Variants in GRM8 observed in about 807,000 individuals in gnomAD.
The protein encoded by GRM8 is metabotropic glutamate receptor 8.
GRM8 carries 47 observed loss-of-function variants against 87.2 expected under a neutral mutation model. The ratio of observed to expected loss-of-function variants is 0.54; its 90% CI spans 0.43 to 0.69. GRM8 has a LOEUF of 0.69. Ranked by LOEUF, GRM8 falls within the 30% of genes least tolerant of loss-of-function variation. The probability of loss-of-function intolerance (pLI) is 0.00; values close to 1 mark genes in which losing one functional copy is unlikely to be tolerated. For missense variants in GRM8, 1,019 were observed against 1,139.2 expected (o/e 0.89, Z 1.52); for synonymous variants, 396 against 404.5 (o/e 0.98, Z 0.25).
intron 3 of GRM8, among the ~76,000 whole-genome samples, chr7:127,094,192 T>A (rs1824425355): frequency 6.6e-6 from 1 of 152,232 alleles, no homozygotes; most frequent in African/African-American, 2.4e-5. Flanking sequence ...ATCTTAAAGC[T>A]CTCATCTAGT....
chr7:127,045,355 A>C (rs980079212), intron 3 of GRM8, among the ~76,000 whole-genome samples: 9 of 150,540 alleles, frequency 6.0e-5, no homozygotes, highest in African/African-American at 2.2e-4. Context: ...GATCTATCAT[A>C]TATCCCAATA....
chr7:127,152,292 T>C (rs966526906), intron 2 of GRM8, among the ~76,000 whole-genome samples: 9 of 152,074 alleles, frequency 5.9e-5, no homozygotes, highest in African/African-American at 1.7e-4. Flanking sequence ...TAAGGGTATA[T>C]AGCAATGCAG....
At chr7:127,090,153 T>G (rs1304569438) in intron 3 of GRM8, among the ~76,000 whole-genome samples, 1 of 152,166 alleles carries the variant, frequency 6.6e-6, no homozygotes, top group East Asian at 1.9e-4. Context: ...CACAATAGAT[T>G]TCTAACTAAT....
chr7:126,947,465 C>T (rs1259240794), intron 3 of GRM8, among the ~76,000 whole-genome samples: 1 of 151,972 alleles, frequency 6.6e-6, no homozygotes, highest in East Asian at 1.9e-4. Context: ...CAGACCAGTG[C>T]TGGGATTTTG....
intron 3 of GRM8, among the ~76,000 whole-genome samples, chr7:127,091,497 TCCCCCCACCACCATCCCACTGGTCATC>T (rs1342990172): frequency 2.9e-4 from 13 of 44,140 alleles, no homozygotes; most frequent in African/African-American, 9.1e-4. Context: ...TGACTAGTCA[TCCCCCCACCACCATCCCACTGGTCATC>T]CCCCCCACCA....
chr7:127,063,416 A>G (rs1820810875), intron 3 of GRM8, among the ~76,000 whole-genome samples: 1 of 147,920 alleles, frequency 6.8e-6, no homozygotes, highest in Non-Finnish European at 1.5e-5. Context: ...TCTCTACTAA[A>G]AATACAAAAA....
At chr7:126,738,339 TA>T (rs1475433234) in intron 7 of GRM8, among the ~76,000 whole-genome samples, 2 of 151,998 alleles carry the variant, frequency 1.3e-5, no homozygotes, top group African/African-American at 2.4e-5. Flanking sequence ...GAGAGGGGAA[TA>T]AAATGTTACT....
intron 6 of GRM8, 39 bp from the exon 7 acceptor site, chr7:126,770,104 G>C (rs200325539): frequency 1.9e-4 from 273 of 1,404,598 alleles, no homozygotes; most frequent in Non-Finnish European, 2.6e-4. Flanking sequence ...GTTGATGTTA[G>C]ATTCCAATAA....
intron 3 of GRM8, among the ~76,000 whole-genome samples, chr7:126,933,827 T>C (rs1806010693): frequency 6.6e-6 from 1 of 152,178 alleles, no homozygotes; most frequent in African/African-American, 2.4e-5. Flanking sequence ...GCAGGAACCA[T>C]GTCTGTTTCA....
chr7:126,939,188 A>G (rs1254179325), intron 3 of GRM8, among the ~76,000 whole-genome samples: 1 of 152,178 alleles, frequency 6.6e-6, no homozygotes, highest in Admixed American at 6.5e-5. Flanking sequence ...AGTTTTAATG[A>G]AAGACACCAA....
chr7:126,830,190 C>T (rs1015963614), intron 6 of GRM8, among the ~76,000 whole-genome samples: 9 of 152,080 alleles, frequency 5.9e-5, no homozygotes, highest in African/African-American at 1.4e-4. Flanking sequence ...CTTGGAGTTG[C>T]TCTTCTCGAG....
At chr7:127,216,309 G>C (rs944731709) in intron 2 of GRM8, among the ~76,000 whole-genome samples, 3 of 151,868 alleles carry the variant, frequency 2.0e-5, no homozygotes, top group African/African-American at 7.3e-5. Flanking sequence ...ACGAGGTCAG[G>C]AGATTCAGAC....
intron 2 of GRM8, among the ~76,000 whole-genome samples, chr7:127,242,466 T>C (rs1176705156): frequency 1.3e-5 from 2 of 150,872 alleles, no homozygotes; most frequent in African/African-American, 4.9e-5. Flanking sequence ...TTCTCTTTGT[T>C]CAGGAAAAAA....
intron 6 of GRM8, among the ~76,000 whole-genome samples, chr7:126,890,065 T>A (rs1800852235): frequency 6.6e-6 from 1 of 152,108 alleles, no homozygotes; most frequent in Non-Finnish European, 1.5e-5. Flanking sequence ...AAGTGTAAAG[T>A]AATTAAAGTT....
intron 2 of GRM8, among the ~76,000 whole-genome samples, chr7:127,208,023 C>A (rs1317991560): frequency 6.6e-6 from 1 of 152,074 alleles, no homozygotes; most frequent in Non-Finnish European, 1.5e-5. Flanking sequence ...GACCCCCGGC[C>A]GATTCCACAA....
chr7:126,960,985 C>A (rs1563356951), intron 3 of GRM8, among the ~76,000 whole-genome samples: 2 of 152,090 alleles, frequency 1.3e-5, no homozygotes, highest in Non-Finnish European at 2.9e-5. Context: ...ATGTGATGCC[C>A]AGAACTGGAG....
intron 7 of GRM8, among the ~76,000 whole-genome samples, chr7:126,617,197 C>T (rs1470197229): frequency 6.6e-6 from 1 of 152,150 alleles, no homozygotes; most frequent in Non-Finnish European, 1.5e-5. Flanking sequence ...TTGGCTTCAT[C>T]CCAGGGATGC....
At chr7:127,151,875 A>T (rs1828878043) in intron 2 of GRM8, among the ~76,000 whole-genome samples, 1 of 152,066 alleles carries the variant, frequency 6.6e-6, no homozygotes, top group African/African-American at 2.4e-5. Context: ...TATAGTCTAT[A>T]TTCTGAGGTT....
chr7:126,731,408 C>T (rs1238595316), intron 7 of GRM8, among the ~76,000 whole-genome samples: 1 of 152,080 alleles, frequency 6.6e-6, no homozygotes, highest in East Asian at 1.9e-4. Flanking sequence ...TCTATTTCCA[C>T]CTATTCCCTT....
Sources: allele counts gnomAD v4.1 joint callset (sites outside exome capture counted in the v4.1 genomes callset), GRCh38; gene constraint gnomAD v4.1.1; transcripts MANE v1.5; gene names NCBI Gene and HGNC (gene_info 2026-07-23, HGNC 2026-07-21).